The following HECTD2 variants were observed in gnomAD, a reference collection of about 807,000 sequenced individuals.
HECTD2 encodes the protein HECT domain E3 ubiquitin protein ligase 2.
In HECTD2, 35 loss-of-function variants were observed where a neutral mutation model predicts 103.2. The ratio of observed to expected loss-of-function variants is 0.34; its 90% CI spans 0.26 to 0.45. The LOEUF is 0.45. Ranked by LOEUF, HECTD2 falls within the 20% of genes least tolerant of loss-of-function variation. HECTD2 has a pLI of 1.00. For synonymous variants in HECTD2, 281 were observed against 329.9 expected, an observed-to-expected ratio of 0.85 and a Z score of 1.61; for missense variants, 596 against 937.4, an observed-to-expected ratio of 0.64 and a Z score of 4.76.
intron 9 of HECTD2, 60 bp downstream of exon 9, chr10:91,484,715 C>A: frequency 7.4e-7 from 1 of 1,344,218 alleles, no homozygotes. Context: ...AGGGATATTT[C>A]TTAAGGATTT....
At chr10:91,484,434 T>G in intron 8 of HECTD2, 73 bp from the exon 9 acceptor site, 1 of 1,528,094 alleles carries the variant, frequency 6.5e-7, no homozygotes, top group Non-Finnish European at 8.9e-7. Flanking sequence ...AGGATGTAGT[T>G]TAATATCTAA....
At chr10:91,491,691 A>G (rs1190762664) in intron 12 of HECTD2, among the ~76,000 whole-genome samples, 2 of 152,174 alleles carry the variant, frequency 1.3e-5, no homozygotes. Flanking sequence ...ACATCTATAA[A>G]ATTAGAGGTC....
chr10:91,477,688 T>G (rs1237477178), intron 5 of HECTD2, among the ~76,000 whole-genome samples: 1 of 152,236 alleles, frequency 6.6e-6, no homozygotes, highest in African/African-American at 2.4e-5. Flanking sequence ...TCATGTAACA[T>G]GACACAAATT....
At chr10:91,490,688 G>C (rs1244115325) in intron 11 of HECTD2, among the ~76,000 whole-genome samples, 1 of 151,302 alleles carries the variant, frequency 6.6e-6, no homozygotes, top group Non-Finnish European at 1.5e-5. Flanking sequence ...TCAGGAGATC[G>C]AGACCATCCT....
intron 1 of HECTD2, among the ~76,000 whole-genome samples, chr10:91,423,858 T>C (rs1176234586): frequency 2.6e-5 from 4 of 152,102 alleles, no homozygotes; most frequent in Non-Finnish European, 5.9e-5. Context: ...GGGCCAACAT[T>C]AGAATGATTA....
chr10:91,415,132 A>G (rs1843068547), intron 1 of HECTD2, among the ~76,000 whole-genome samples: 2 of 152,212 alleles, frequency 1.3e-5, no homozygotes, highest in Admixed American at 6.5e-5. Context: ...GAGAAGAAAG[A>G]TTAATAAAGG....
At chr10:91,428,190 T>C (rs1843659038) in intron 2 of HECTD2, among the ~76,000 whole-genome samples, 1 of 151,666 alleles carries the variant, frequency 6.6e-6, no homozygotes, top group South Asian at 2.1e-4. Context: ...TAGTTGTAGA[T>C]ATGTGGCGTT....
chr10:91,480,463 C>A (rs1846052190), intron 6 of HECTD2, among the ~76,000 whole-genome samples: 1 of 151,912 alleles, frequency 6.6e-6, no homozygotes, highest in African/African-American at 2.4e-5. Flanking sequence ...AGAGGTGAAC[C>A]ATTTTCAATT....
chr10:91,468,196 G>A (rs1416757508), intron 5 of HECTD2, among the ~76,000 whole-genome samples: 1 of 152,116 alleles, frequency 6.6e-6, no homozygotes, highest in African/African-American at 2.4e-5. Context: ...CAGCCCTTTT[G>A]GCACAGCAGG....
At chr10:91,452,533 G>C (rs886611041) in intron 2 of HECTD2, among the ~76,000 whole-genome samples, 15 of 151,698 alleles carry the variant, frequency 9.9e-5, no homozygotes, top group Admixed American at 3.9e-4. Context: ...CTGCTCTTTT[G>C]AATAGATTAA....
At position 91,410,585 on chromosome 10, in the gene HECTD2, T is replaced by TGGGCCG; in HGVS notation, c.138+16_138+21dup. 7.5e-7 allele frequency: 1 copy of TGGGCCG among 1,339,818 alleles called. No individual in the cohort carries two copies. The highest frequency in any genetic ancestry group is 9.5e-7 in the Non-Finnish European group (1 of 1,054,158). 83.0% of individuals were successfully genotyped at this position (1,339,818 alleles called of 1,614,324 possible). A position where few individuals can be genotyped will look rare whatever the true frequency, so the allele number is the denominator to read the frequency against. The stretch of plus-strand genomic sequence containing the variant: ...GCGCCGGCGCGACCGCGGTAGGTGG[T>TGGGCCG]GGGCCGGGGCCGTCTGGCGCCCCGG... On this transcript the variant is annotated intron_variant, in intron 1 of 20. Coordinates refer to ENST00000298068, the MANE Select transcript of HECTD2 (RefSeq NM_182765.6).
chr10:91,488,586 A>G (rs569569221), intron 11 of HECTD2: 9 of 152,166 alleles, frequency 5.9e-5, no homozygotes, highest in Non-Finnish European at 1.3e-4. Context: ...AAAGGAATAT[A>G]GAGTAAAAAG....
chr10:91,478,324 A>G (rs1184839001), intron 6 of HECTD2, 59 bp downstream of exon 6: 7 of 1,016,062 alleles, frequency 6.9e-6, no homozygotes, highest in South Asian at 4.0e-5. Flanking sequence ...TACACATCAT[A>G]TATCTTTAAC....
chr10:91,482,153 C>T (rs1412604149), intron 7 of HECTD2, among the ~76,000 whole-genome samples: 2 of 151,880 alleles, frequency 1.3e-5, no homozygotes, highest in African/African-American at 4.8e-5. Context: ...TTGTTCTTCT[C>T]AAGAGCCATT....
intron 14 of HECTD2, among the ~76,000 whole-genome samples, chr10:91,495,994 A>T (rs532621499): frequency 2.0e-5 from 3 of 152,170 alleles, no homozygotes; most frequent in Non-Finnish European, 4.4e-5. Context: ...GAATACTATC[A>T]ACTAAACCAC....
chr10:91,445,832 T>A (rs1019537681), intron 2 of HECTD2, among the ~76,000 whole-genome samples: 6 of 152,104 alleles, frequency 3.9e-5, no homozygotes, highest in East Asian at 1.9e-4. Context: ...GACTGTGCCC[T>A]GAGGAACGGT....
chr10:91,410,767 C>T (rs1157428986), intron 1 of HECTD2, among the ~76,000 whole-genome samples, 191 bp downstream of exon 1: 1 of 152,168 alleles, frequency 6.6e-6, no homozygotes, highest in African/African-American at 2.4e-5. Context: ...CCGAACACTT[C>T]GCGAGGTACA....
chr10:91,422,297 T>C (rs1278840110), intron 1 of HECTD2, among the ~76,000 whole-genome samples: 3 of 152,160 alleles, frequency 2.0e-5, no homozygotes, highest in Non-Finnish European at 4.4e-5. Context: ...TGCTTAGTCT[T>C]AGATAACATT....
intron 2 of HECTD2, among the ~76,000 whole-genome samples, chr10:91,437,206 T>A (rs1371870549): frequency 6.6e-6 from 1 of 151,992 alleles, no homozygotes; most frequent in Admixed American, 6.6e-5. Flanking sequence ...AAGCTCATCT[T>A]GGTTCTCCTG....
Sources: gnomAD v4.1 joint callset for allele counts (sites outside exome capture counted in the v4.1 genomes callset) on GRCh38, gnomAD v4.1.1 for gene constraint, MANE v1.5 for transcripts, NCBI Gene and HGNC (gene_info 2026-07-23, HGNC 2026-07-21) for gene names.